SYT16: variants seen among roughly 807,000 people sequenced by gnomAD.
The protein encoded by SYT16 is synaptotagmin-16.
A neutral mutation model predicts 61.4 loss-of-function variants in SYT16; 42 were observed. The ratio of observed to expected loss-of-function variants is 0.68; its 90% confidence interval spans 0.53 to 0.89. The LOEUF is 0.89. Ranked by LOEUF, SYT16 falls within the 40% of genes least tolerant of loss-of-function variation. The pLI is 0.00. For missense variants in SYT16, 804 were observed against 807.3 expected, an observed-to-expected ratio of 1.00 and a Z score of 0.05; for synonymous variants, 314 against 302.3, an observed-to-expected ratio of 1.04 and a Z score of -0.40.
intron 1 of SYT16, among the ~76,000 whole-genome samples, chr14:61,954,900 A>G (rs1434919997): frequency 6.6e-6 from 1 of 152,200 alleles, no homozygotes; most frequent in African/African-American, 2.4e-5. Flanking sequence ...TTAAATATGA[A>G]GGAAATAACT....
At chr14:61,889,923 G>A (rs182787566) in intron 1 of SYT16, among the ~76,000 whole-genome samples, 20 of 151,910 alleles carry the variant, frequency 1.3e-4, no homozygotes, top group African/African-American at 4.8e-4. Flanking sequence ...GAACCCCAAG[G>A]TCAGCCTAGT....
chr14:61,949,709 G>A (rs2050593334), intron 1 of SYT16, among the ~76,000 whole-genome samples: 1 of 152,150 alleles, frequency 6.6e-6, no homozygotes, highest in Non-Finnish European at 1.5e-5. Flanking sequence ...GTGAGGCTCA[G>A]CTTAAAGTCA....
intron 1 of SYT16, among the ~76,000 whole-genome samples, chr14:61,876,321 C>T (rs530747938): frequency 3.3e-5 from 5 of 152,296 alleles, no homozygotes; most frequent in African/African-American, 7.2e-5. Context: ...CTCGCACTCA[C>T]GCTGAAATGT....
chr14:61,896,745 T>A (rs2048338971), intron 1 of SYT16, among the ~76,000 whole-genome samples: 1 of 152,258 alleles, frequency 6.6e-6, no homozygotes, highest in Admixed American at 6.5e-5. Context: ...TTCACTTATA[T>A]ATGTTGTGCT....
chr14:62,046,265 T>C lies in SYT16; in HGVS notation c.524-23338T>C, dbSNP rs544564918. The stretch of plus-strand genomic sequence containing the variant: ...TAAATGTCTTCTTTTGAGAAGTGTC[T>C]GTTCATATCCTTCGCCCACTTTTTG... On this transcript the variant is annotated intron_variant, in intron 3 of 7. Transcript: ENST00000683842. 4.2e-3 allele frequency among the ~76,000 whole-genome samples: 642 copies of C among 152,378 alleles called. 1 individual carries two copies. Among genetic ancestry groups the C allele is most frequent in the Non-Finnish European group, 7.1e-3 (485 of 68,044 alleles).
At chr14:61,970,970 C>T (rs1011761954) in intron 2 of SYT16, among the ~76,000 whole-genome samples, 1 of 151,278 alleles carries the variant, frequency 6.6e-6, no homozygotes, top group African/African-American at 2.4e-5. Flanking sequence ...TATTACTCTC[C>T]TTTTCCATAC....
chr14:61,841,985 G>A (rs1314974591), intron 1 of SYT16, among the ~76,000 whole-genome samples: 1 of 152,070 alleles, frequency 6.6e-6, no homozygotes, highest in Admixed American at 6.6e-5. Flanking sequence ...ACATATGAGT[G>A]CAGGTGTCTT....
In SYT16 at chr14:61,906,518, T is replaced by A. The variant is rs191990235; in HGVS notation, c.-324-63614T>A. ...TCTTTTCTCGCTCTTCGGCTTTTTTTAGTATAGTTTTCCTTCTCTTATTTT... is the reference window on the plus strand; with the variant it reads ...TCTTTTCTCGCTCTTCGGCTTTTTTAAGTATAGTTTTCCTTCTCTTATTTT... On this transcript the variant is annotated intron_variant, in intron 1 of 7. Coordinates refer to ENST00000683842, the MANE Select transcript of SYT16 (RefSeq NM_001367656.1). Among the ~76,000 whole-genome samples the A allele has an allele frequency of 1.0e-3, 154 of 152,340 alleles. 2 individuals carry two copies. The highest frequency in any genetic ancestry group is 3.4e-3 in the African/African-American group (143 of 41,566).
intron 1 of SYT16, among the ~76,000 whole-genome samples, chr14:61,956,570 A>G (rs980766585): frequency 2.0e-5 from 3 of 152,010 alleles, no homozygotes; most frequent in Non-Finnish European, 2.9e-5. Flanking sequence ...TTCTTTCCCA[A>G]TTGCGTACTC....
At chr14:62,032,465 A>C (rs1595207524) in intron 3 of SYT16, among the ~76,000 whole-genome samples, 1 of 152,084 alleles carries the variant, frequency 6.6e-6, no homozygotes, top group Non-Finnish European at 1.5e-5. Flanking sequence ...TGAATCTATT[A>C]TTTTGTAATA....
Position 61,895,494 on chromosome 14 carries a change from A to G in SYT16, c.-324-74638A>G, listed in dbSNP as rs373407985. On this transcript the variant is annotated intron_variant, in intron 1 of 7. Coordinates refer to ENST00000683842, the MANE Select transcript of SYT16 (RefSeq NM_001367656.1). ...TTTGTGTCTGAGTTTTCTCATCTGC[A>G]AAATGAATATAAATACTTGTCTCAA... Among the ~76,000 whole-genome samples the G allele has an allele frequency of 4.4e-4, 67 of 152,354 alleles. 1 individual carries two copies. The highest frequency in any genetic ancestry group is 1.5e-3 in the African/African-American group (62 of 41,570).
rs71449575 is a variant in SYT16 at position 62,011,924 on chromosome 14, C to CATATATATATATATATATATATAT, written c.523+15383_523+15384insTATATATATATATATATATATATA. On this transcript the variant is annotated intron_variant, in intron 3 of 7. Coordinates refer to ENST00000683842, the MANE Select transcript of SYT16 (RefSeq NM_001367656.1). ...ACACACATATATATACACACACACACACATATATATATATATATTTGATGC... is the reference window on the plus strand; with the variant it reads ...ACACACATATATATACACACACACACATATATATATATATATATATATATACATATATATATATATATTTGATGC... Among the ~76,000 whole-genome samples the CATATATATATATATATATATATAT allele has an allele frequency of 5.2e-4, 45 of 87,020 alleles. 1 individual carries two copies. The highest frequency in any genetic ancestry group is 2.1e-3 in the African/African-American group (45 of 21,316). The allele number at this position is 87,020 out of a possible 152,430, so 57.1% of individuals were successfully genotyped here.
intron 1 of SYT16, among the ~76,000 whole-genome samples, chr14:61,969,495 A>G (rs537818271): frequency 3.0e-4 from 45 of 152,310 alleles, no homozygotes; most frequent in African/African-American, 1.1e-3. Context: ...GGAAGGAAGA[A>G]ATGGAATTTC....
At chr14:61,846,123 C>A (rs1306695609) in intron 1 of SYT16, among the ~76,000 whole-genome samples, 2 of 152,122 alleles carry the variant, frequency 1.3e-5, no homozygotes, top group African/African-American at 4.8e-5. Context: ...GTGTATTCTG[C>A]AGCTGTTGGA....
intron 1 of SYT16, chr14:61,832,128 A>C (rs2045956985): frequency 1.4e-6 from 1 of 721,228 alleles, no homozygotes; most frequent in Admixed American, 1.9e-5. Context: ...AATGTGATAC[A>C]ACTCGACTTT....
intron 1 of SYT16, among the ~76,000 whole-genome samples, chr14:61,896,999 C>A (rs910439935): frequency 6.6e-6 from 1 of 152,120 alleles, no homozygotes; most frequent in African/African-American, 2.4e-5. Context: ...GGGCTTTGTT[C>A]CACTGTCTGC....
chr14:62,079,307 C>T (rs1170860958), intron 5 of SYT16: 3 of 1,114,880 alleles, frequency 2.7e-6, no homozygotes, highest in South Asian at 1.6e-5. Flanking sequence ...AGAAGCTTCA[C>T]TTATTTTACA....
At chr14:61,933,846 G>A (rs955957005) in intron 1 of SYT16, among the ~76,000 whole-genome samples, 1 of 152,048 alleles carries the variant, frequency 6.6e-6, no homozygotes, top group Non-Finnish European at 1.5e-5. Context: ...AAAATAAGGA[G>A]GATATTTAAA....
At chr14:62,050,164 T>C (rs1426898971) in intron 3 of SYT16, among the ~76,000 whole-genome samples, 1 of 152,164 alleles carries the variant, frequency 6.6e-6, no homozygotes, top group African/African-American at 2.4e-5. Context: ...GGAGGCTTTG[T>C]TCGTTTCTTT....
Sources: allele counts gnomAD v4.1 joint callset (sites outside exome capture counted in the v4.1 genomes callset), GRCh38; gene constraint gnomAD v4.1.1; transcripts MANE v1.5; gene names NCBI Gene and HGNC (gene_info 2026-07-23, HGNC 2026-07-21).